Variants in RAB11FIP3 observed in about 807,000 individuals in gnomAD.
The protein encoded by RAB11FIP3 is RAB11 family interacting protein 3.
In RAB11FIP3, 17 loss-of-function variants were observed where a neutral mutation model predicts 77.8. The observed-to-expected ratio is 0.22, with a 90% CI of 0.15 to 0.33. RAB11FIP3 has a LOEUF of 0.33. RAB11FIP3 is among the 10% of genes least tolerant of loss of function. The pLI is 1.00. For missense variants in RAB11FIP3, 1,005 were observed against 1,011.2 expected, an observed-to-expected ratio of 0.99 and a Z score of 0.08; for synonymous variants, 437 against 448.2, an observed-to-expected ratio of 0.98 and a Z score of 0.31.
intron 3 of RAB11FIP3, among the ~76,000 whole-genome samples, chr16:479,266 C>T (rs1277918929): frequency 6.6e-6 from 1 of 152,150 alleles, no homozygotes; most frequent in Admixed American, 6.5e-5. Context: ...GTGGCTCACA[C>T]CTATAGTCCC....
intron 1 of RAB11FIP3, among the ~76,000 whole-genome samples, chr16:445,431 T>A (rs2055298679): frequency 6.6e-6 from 1 of 151,426 alleles, no homozygotes; most frequent in South Asian, 2.1e-4. Flanking sequence ...AGAGCAAGAC[T>A]CTTGTCTCAA....
chr16:443,471 G>A (rs541053157), intron 1 of RAB11FIP3, among the ~76,000 whole-genome samples: 1 of 152,180 alleles, frequency 6.6e-6, no homozygotes, highest in African/African-American at 2.4e-5. Context: ...AACAAAACCA[G>A]AGTCATAATT....
At chr16:492,360 T>C (rs114810283) in intron 5 of RAB11FIP3, among the ~76,000 whole-genome samples, 3,387 of 25,366 alleles carry the variant, frequency 0.13, 249 homozygotes, top group African/African-American at 0.21. Flanking sequence ...TTGAAGAGGG[T>C]CTTCCCGGGA....
chr16:457,521 T>C (rs912702881), intron 1 of RAB11FIP3, among the ~76,000 whole-genome samples: 1 of 152,056 alleles, frequency 6.6e-6, no homozygotes, highest in Non-Finnish European at 1.5e-5. Flanking sequence ...CTTTTTTTTT[T>C]TTTTTGAAAG....
chr16:499,621 C>T (rs1190093422), intron 6 of RAB11FIP3, among the ~76,000 whole-genome samples: 1 of 151,924 alleles, frequency 6.6e-6, no homozygotes. Flanking sequence ...CATGGTGAAA[C>T]CCCGTCTCTA....
chr16:467,047 C>G (rs2055712883), intron 2 of RAB11FIP3, among the ~76,000 whole-genome samples: 1 of 152,190 alleles, frequency 6.6e-6, no homozygotes, highest in Non-Finnish European at 1.5e-5. Context: ...CAGCCTGTTC[C>G]AGGCTCTGGG....
chr16:501,332 A>AGG, intron 6 of RAB11FIP3, among the ~76,000 whole-genome samples: 1 of 152,176 alleles, frequency 6.6e-6, no homozygotes, highest in South Asian at 2.1e-4. Flanking sequence ...CCCATTTCAT[A>AGG]GGCAAGGAAA....
chr16:519,394 C>G (rs2032565786), intron 10 of RAB11FIP3, among the ~76,000 whole-genome samples: 3 of 152,262 alleles, frequency 2.0e-5, no homozygotes, highest in Non-Finnish European at 2.9e-5. Flanking sequence ...CAGGTGTGCT[C>G]TGGGAAGCTC....
chr16:459,873 G>GTTTTT (rs2055574295), intron 1 of RAB11FIP3, among the ~76,000 whole-genome samples: 1 of 135,248 alleles, frequency 7.4e-6, no homozygotes, highest in Admixed American at 7.3e-5. Context: ...AAATTGAGTT[G>GTTTTT]TCTTTTTTTT....
chr16:490,278 G>A (rs563472552), intron 5 of RAB11FIP3, among the ~76,000 whole-genome samples: 2 of 152,368 alleles, frequency 1.3e-5, no homozygotes, highest in African/African-American at 4.8e-5. Context: ...CAGCACCCCT[G>A]CCAGTGGCCC....
chr16:487,867 A>G (rs879305771), intron 4 of RAB11FIP3, among the ~76,000 whole-genome samples: 7 of 152,226 alleles, frequency 4.6e-5, no homozygotes, highest in Non-Finnish European at 1.0e-4. Flanking sequence ...GTTTTAGCTT[A>G]AAGTAGAGTT....
At chr16:428,336 A>G (rs1367545656) in intron 1 of RAB11FIP3, among the ~76,000 whole-genome samples, 1 of 152,158 alleles carries the variant, frequency 6.6e-6, no homozygotes, top group Non-Finnish European at 1.5e-5. Flanking sequence ...TTGCTGGTCC[A>G]GGTGTTTTGC....
chr16:482,450 C>T (rs2056063032), intron 3 of RAB11FIP3, 75 bp from the exon 4 acceptor site: 1 of 1,390,338 alleles, frequency 7.2e-7, no homozygotes, highest in Non-Finnish European at 1.0e-6. Context: ...CAGGGCCTTG[C>T]AGCAGTGAGG....
intron 5 of RAB11FIP3, among the ~76,000 whole-genome samples, chr16:492,822 C>A (rs1460072312): frequency 6.6e-6 from 1 of 152,172 alleles, no homozygotes; most frequent in African/African-American, 2.4e-5. Flanking sequence ...ACATTGAGAA[C>A]TAGCTCCAAG....
intron 1 of RAB11FIP3, among the ~76,000 whole-genome samples, chr16:445,538 C>T (rs7196963): frequency 0.66 from 100,448 of 152,072 alleles, 33,266 homozygotes; most frequent in Middle Eastern, 0.72. Flanking sequence ...AAAAAATGGA[C>T]ATTCTATAAT....
At chr16:482,879 C>A in intron 4 of RAB11FIP3, 143 bp downstream of exon 4, 1 of 872,990 alleles carries the variant, frequency 1.1e-6, no homozygotes, top group Non-Finnish European at 1.7e-6. Flanking sequence ...CCTGCAGTAG[C>A]TCCTGACCTT....
chr16:487,810 G>T (rs537769301), intron 4 of RAB11FIP3, among the ~76,000 whole-genome samples: 1 of 152,320 alleles, frequency 6.6e-6, no homozygotes, highest in East Asian at 1.9e-4. Flanking sequence ...CAGAAGGAGG[G>T]TGGGTATTTG....
At chr16:520,397 C>A in intron 12 of RAB11FIP3, 62 bp from the exon 13 acceptor site, 3 of 1,602,918 alleles carry the variant, frequency 1.9e-6, no homozygotes, top group Admixed American at 1.7e-5. Flanking sequence ...CCGGGCAGTC[C>A]TTGTCCCTGC....
chr16:479,520 T>C (rs1490655564), intron 3 of RAB11FIP3, among the ~76,000 whole-genome samples: 3 of 152,010 alleles, frequency 2.0e-5, no homozygotes, highest in East Asian at 3.9e-4. Flanking sequence ...AGTGAGACCC[T>C]GATTCAAAAT....
Sources: allele counts gnomAD v4.1 joint callset (sites outside exome capture counted in the v4.1 genomes callset), GRCh38; gene constraint gnomAD v4.1.1; transcripts MANE v1.5; gene names NCBI Gene and HGNC (gene_info 2026-07-23, HGNC 2026-07-21).